The following RABL3 variants were observed in gnomAD, a reference collection of about 807,000 sequenced individuals.
RABL3 encodes the protein rab-like protein 3.
Under a neutral mutation model 31.8 loss-of-function variants are expected in RABL3, and 31 were observed. The observed-to-expected ratio is 0.97, with a 90% CI of 0.73 to 1.31. The LOEUF (loss-of-function observed/expected upper bound fraction) is 1.31, where lower values mean the gene tolerates loss of function less well. Ranked by LOEUF, RABL3 falls within the 40% of genes most tolerant of loss-of-function variation. RABL3 has a pLI of 0.00. For missense variants in RABL3, 263 were observed against 279.6 expected (o/e 0.94, Z 0.42); for synonymous variants, 97 against 99.9 (o/e 0.97, Z 0.18).
At chr3:120,739,119 C>T (rs1407884359) in intron 1 of RABL3, among the ~76,000 whole-genome samples, 1 of 152,196 alleles carries the variant, frequency 6.6e-6, no homozygotes, top group Non-Finnish European at 1.5e-5. Context: ...TGGCTCACAC[C>T]TGTAATCCCA....
At chr3:120,696,592 A>AACAC (rs3037698) in intron 5 of RABL3, among the ~76,000 whole-genome samples, 47 of 147,562 alleles carry the variant, frequency 3.2e-4, no homozygotes, top group South Asian at 1.1e-3. Flanking sequence ...AAGTAGGAAT[A>AACAC]ACACACACAC....
At chr3:120,703,917 A>G (rs763880183) in intron 4 of RABL3, among the ~76,000 whole-genome samples, 18 of 152,184 alleles carry the variant, frequency 1.2e-4, no homozygotes, top group Admixed American at 5.9e-4. Flanking sequence ...TGTGGTTAAA[A>G]ACCTTTCAAA....
intron 2 of RABL3, among the ~76,000 whole-genome samples, chr3:120,710,925 G>A (rs901057901): frequency 6.6e-6 from 1 of 151,840 alleles, no homozygotes; most frequent in Non-Finnish European, 1.5e-5. Flanking sequence ...CATTTCTATC[G>A]AACTTATGCC....
intron 2 of RABL3, among the ~76,000 whole-genome samples, chr3:120,718,904 C>T (rs1011083288): frequency 2.6e-5 from 4 of 152,108 alleles, no homozygotes; most frequent in African/African-American, 9.7e-5. Context: ...ATGTTAAATC[C>T]TTTAGGAAGT....
At chr3:120,694,052 G>A in intron 6 of RABL3, 101 bp downstream of exon 6, 1 of 695,858 alleles carries the variant, frequency 1.4e-6, no homozygotes, top group South Asian at 2.1e-5. Flanking sequence ...AGGCTGTGAA[G>A]TTTTGGACAA....
chr3:120,696,117 T>C (rs1431204345), intron 5 of RABL3, among the ~76,000 whole-genome samples: 1 of 152,214 alleles, frequency 6.6e-6, no homozygotes, highest in Non-Finnish European at 1.5e-5. Flanking sequence ...CAGGGTACAA[T>C]AAGCCTAACA....
At chr3:120,713,640 G>T (rs1231073218) in intron 2 of RABL3, among the ~76,000 whole-genome samples, 2 of 152,102 alleles carry the variant, frequency 1.3e-5, no homozygotes, top group Non-Finnish European at 2.9e-5. Flanking sequence ...AATAAAGGAA[G>T]CAACAGTACA....
chr3:120,691,187 A>C (rs1264122703), intron 6 of RABL3, among the ~76,000 whole-genome samples: 1 of 152,216 alleles, frequency 6.6e-6, no homozygotes, highest in Non-Finnish European at 1.5e-5. Context: ...GTTTAAGAGC[A>C]CCATGTTTTC....
chr3:120,739,648 AT>A (rs1284294708), intron 1 of RABL3, among the ~76,000 whole-genome samples: 1 of 151,974 alleles, frequency 6.6e-6, no homozygotes, highest in Non-Finnish European at 1.5e-5. Flanking sequence ...TACTTTTTTT[AT>A]ATAGAAACAT....
At chr3:120,727,931 TTAATC>T in intron 2 of RABL3, among the ~76,000 whole-genome samples, 1 of 152,184 alleles carries the variant, frequency 6.6e-6, no homozygotes, top group Non-Finnish European at 1.5e-5. Context: ...GGACATTTCT[TTAATC>T]TAATCAAATA....
At chr3:120,742,549 G>C, upstream of RABL3, 10 of 1,607,696 alleles carry the variant, frequency 6.2e-6, no homozygotes, top group Non-Finnish European at 8.5e-6. Context: ...TTCCTGGATT[G>C]TAAGCCAATC....
At chr3:120,725,918 G>A (rs1412153707) in intron 2 of RABL3, among the ~76,000 whole-genome samples, 2 of 152,244 alleles carry the variant, frequency 1.3e-5, no homozygotes, top group South Asian at 2.1e-4. Flanking sequence ...TGCACGTTGT[G>A]CACATGTACC....
At chr3:120,706,294 C>T (rs928985735) in intron 3 of RABL3, among the ~76,000 whole-genome samples, 180 bp from the exon 4 acceptor site, 1 of 152,056 alleles carries the variant, frequency 6.6e-6, no homozygotes, top group Non-Finnish European at 1.5e-5. Flanking sequence ...TATAAATAGC[C>T]ATAAACCTTT....
intron 1 of RABL3, among the ~76,000 whole-genome samples, chr3:120,741,044 G>A (rs1032885499): frequency 2.0e-5 from 3 of 152,166 alleles, no homozygotes; most frequent in African/African-American, 7.2e-5. Context: ...GTAATATGAA[G>A]GGATTGTTAG....
At chr3:120,715,602 C>T (rs939447339) in intron 2 of RABL3, among the ~76,000 whole-genome samples, 1 of 152,074 alleles carries the variant, frequency 6.6e-6, no homozygotes, top group South Asian at 2.1e-4. Context: ...TAACCATTAG[C>T]AACATGTGAC....
intron 6 of RABL3, among the ~76,000 whole-genome samples, chr3:120,690,867 C>G (rs1268657221): frequency 6.6e-6 from 1 of 152,070 alleles, no homozygotes; most frequent in Non-Finnish European, 1.5e-5. Context: ...AAGCACTTGC[C>G]TGCTACAATA....
intron 3 of RABL3, among the ~76,000 whole-genome samples, chr3:120,706,539 C>T (rs895337720): frequency 1.6e-4 from 24 of 151,002 alleles, no homozygotes; most frequent in Non-Finnish European, 2.1e-4. Context: ...GATACCAGTA[C>T]ATACATATAT....
intron 4 of RABL3, among the ~76,000 whole-genome samples, chr3:120,703,909 T>A (rs755805301): frequency 6.6e-6 from 1 of 152,214 alleles, no homozygotes; most frequent in Non-Finnish European, 1.5e-5. Context: ...GTTGACTTTG[T>A]GGTTAAAAAC....
intron 2 of RABL3, among the ~76,000 whole-genome samples, chr3:120,711,232 G>A (rs961419665): frequency 2.0e-5 from 3 of 151,900 alleles, no homozygotes; most frequent in African/African-American, 7.3e-5. Flanking sequence ...TCATTCTTGT[G>A]GCAATTTCAT....
Sources: gnomAD v4.1 joint callset for allele counts (sites outside exome capture counted in the v4.1 genomes callset) on GRCh38, gnomAD v4.1.1 for gene constraint, MANE v1.5 for transcripts, NCBI Gene and HGNC (gene_info 2026-07-23, HGNC 2026-07-21) for gene names.